The following PLD1 variants were observed in gnomAD, a reference collection of about 807,000 sequenced individuals.
The protein encoded by PLD1 is choline phosphatase 1.
A neutral mutation model predicts 137.1 loss-of-function variants in PLD1; 112 were observed. That is an observed-to-expected ratio of 0.82 (90% CI 0.70 to 0.96). The LOEUF is 0.96. Ranked by LOEUF, PLD1 falls within the 40% of genes least tolerant of loss-of-function variation. PLD1 has a pLI of 0.00. For synonymous variants in PLD1, 431 were observed against 454.7 expected (o/e 0.95, Z 0.66); for missense variants, 1,321 against 1,342.0 (o/e 0.98, Z 0.24).
chr3:171,667,240 C>T (rs1315791786), intron 19 of PLD1, among the ~76,000 whole-genome samples: 8 of 152,184 alleles, frequency 5.3e-5, no homozygotes, highest in African/African-American at 1.9e-4. Context: ...AGAAGGGAAG[C>T]CTCTGATTGT....
At chr3:171,656,186 T>TTA (rs1737184549) in intron 21 of PLD1, among the ~76,000 whole-genome samples, 1 of 151,936 alleles carries the variant, frequency 6.6e-6, no homozygotes, top group Non-Finnish European at 1.5e-5. Context: ...ATTTATTTAT[T>TTA]TTGAGACAGA....
rs150316484 is a variant in PLD1 at position 171,731,679 on chromosome 3, G to A, written c.606+1765C>T. Among the ~76,000 whole-genome samples the A allele has an allele frequency of 4.7e-3, 710 of 152,180 alleles. 14 individuals carry two copies. The highest frequency in any genetic ancestry group is 0.036 in the East Asian group (185 of 5,174). The stretch of plus-strand genomic sequence containing the variant: ...CCCAGCTACTTGGGAGGCTGAGGCA[G>A]GGGAATCACTTGAACCCGGGAGGCG... On this transcript the variant is annotated intron_variant, in intron 6 of 26. Coordinates refer to ENST00000351298, the MANE Select transcript of PLD1 (RefSeq NM_002662.5).
At chr3:171,643,892 A>G (rs1578174684) in intron 22 of PLD1, among the ~76,000 whole-genome samples, 1 of 152,216 alleles carries the variant, frequency 6.6e-6, no homozygotes, top group East Asian at 1.9e-4. Flanking sequence ...TTTCCTTGAA[A>G]TCCTGGCAGA....
At chr3:171,768,527 C>G (rs763883465) in intron 1 of PLD1, among the ~76,000 whole-genome samples, 3 of 152,212 alleles carry the variant, frequency 2.0e-5, no homozygotes, top group African/African-American at 7.2e-5. Flanking sequence ...CTGTGAAGAA[C>G]GGAACTGGTC....
At chr3:171,709,014 C>T (rs988019777) in intron 10 of PLD1, 176 bp from the exon 11 acceptor site, 8 of 580,370 alleles carry the variant, frequency 1.4e-5, no homozygotes, top group Non-Finnish European at 1.8e-5. Flanking sequence ...TCCTCTGCTG[C>T]CTAGGAAGGG....
chr3:171,613,221 T>C (rs1732818966), intron 24 of PLD1, among the ~76,000 whole-genome samples: 1 of 152,220 alleles, frequency 6.6e-6, no homozygotes, highest in Non-Finnish European at 1.5e-5. Context: ...TCTGGGTCTT[T>C]AAGTCATTGA....
At chr3:171,798,103 T>C (rs1211256575) in intron 1 of PLD1, among the ~76,000 whole-genome samples, 1 of 152,216 alleles carries the variant, frequency 6.6e-6, no homozygotes, top group Non-Finnish European at 1.5e-5. Context: ...TTAAGTAAGA[T>C]TGTCCTATTA....
At chr3:171,605,970 T>G (rs569129379) in intron 25 of PLD1, among the ~76,000 whole-genome samples, 1 of 152,346 alleles carries the variant, frequency 6.6e-6, no homozygotes, top group South Asian at 2.1e-4. Flanking sequence ...TAGACATCAG[T>G]GCAGAGGAGT....
At chr3:171,733,365 A>G (rs1039235539) in intron 6 of PLD1, 79 bp downstream of exon 6, 1 of 661,228 alleles carries the variant, frequency 1.5e-6, no homozygotes, top group African/African-American at 1.8e-5. Flanking sequence ...CACTTGTGTT[A>G]TTAAAATGAT....
At chr3:171,731,396 G>A (rs1402301964) in intron 6 of PLD1, among the ~76,000 whole-genome samples, 1 of 152,162 alleles carries the variant, frequency 6.6e-6, no homozygotes, top group African/African-American at 2.4e-5. Context: ...GAAAAAGAAT[G>A]TTAGAGAATT....
intron 23 of PLD1, among the ~76,000 whole-genome samples, chr3:171,630,646 A>T (rs1356682523): frequency 1.9e-4 from 26 of 139,550 alleles, no homozygotes; most frequent in Non-Finnish European, 3.1e-4. Context: ...TGGATTAAGA[A>T]AATGTGGCAC....
chr3:171,605,603 C>T lies in PLD1; in HGVS notation c.2883-187G>A, dbSNP rs9838510. ...AAGAAACTATTGTCTGAATTGACCA[C>T]ACATAAACAGCGGACTAGACATAAC... On this transcript the variant is annotated intron_variant, in intron 25 of 26. Transcript: ENST00000351298. Among the ~76,000 whole-genome samples the T allele has an allele frequency of 0.047, 7,166 of 152,256 alleles. 414 individuals carry two copies. Among genetic ancestry groups the T allele is most frequent in the African/African-American group, 0.14 (5,795 of 41,518 alleles).
In PLD1 at chr3:171,737,798, G is replaced by A. The variant is rs1002953969; in HGVS notation, c.160+94C>T. On this transcript the variant is annotated intron_variant, in intron 2 of 26. Coordinates refer to ENST00000351298, the MANE Select transcript of PLD1 (RefSeq NM_002662.5). ...CTGAGCCCGGTGTTACATCTGCAAG[G>A]AAAATCAATCATTTGCTGGTTACTT... The A allele has an allele frequency of 2.8e-6, 4 of 1,434,792 alleles. No individual in the cohort carries two copies. In the African/African-American group the frequency reaches 5.7e-5, roughly 20 times the overall value. 88.9% of individuals were successfully genotyped at this position (1,434,792 alleles called of 1,614,324 possible).
chr3:171,627,879 A>G (rs1734272568), intron 23 of PLD1, among the ~76,000 whole-genome samples: 1 of 152,140 alleles, frequency 6.6e-6, no homozygotes, highest in African/African-American at 2.4e-5. Context: ...AGGGAAATTT[A>G]TAGCACTAAA....
intron 23 of PLD1, among the ~76,000 whole-genome samples, chr3:171,623,814 T>A (rs1733850023): frequency 6.6e-6 from 1 of 151,692 alleles, no homozygotes; most frequent in South Asian, 2.1e-4. Context: ...AATAAAAAGG[T>A]GCTAGTACAG....
intron 21 of PLD1, among the ~76,000 whole-genome samples, chr3:171,652,257 C>CA (rs1736829695): frequency 6.6e-6 from 1 of 151,742 alleles, no homozygotes; most frequent in Admixed American, 6.6e-5. Flanking sequence ...ACTAAAAATA[C>CA]AAAAAAATAG....
At chr3:171,662,773 G>A (rs902264990) in intron 19 of PLD1, among the ~76,000 whole-genome samples, 6 of 152,188 alleles carry the variant, frequency 3.9e-5, no homozygotes, top group Non-Finnish European at 5.9e-5. Context: ...TTTAATAGCT[G>A]TCTGTTCCAT....
chr3:171,642,457 C>CAAAAAAAAAAAAAAAA (rs1230947984), intron 23 of PLD1, among the ~76,000 whole-genome samples: 1 of 33,028 alleles, frequency 3.0e-5, no homozygotes, highest in Admixed American at 2.8e-4. Flanking sequence ...AACCCAGTCT[C>CAAAAAAAAAAAAAAAA]AAAAAAAAAA....
At chr3:171,620,742 C>CTCTCTCTATATATATATA (rs1473647659) in intron 23 of PLD1, among the ~76,000 whole-genome samples, 1 of 94,794 alleles carries the variant, frequency 1.1e-5, no homozygotes, top group African/African-American at 4.3e-5. Context: ...CTCTCTCTCT[C>CTCTCTCTATATATATATA]TATATATATA....
Sources: allele counts gnomAD v4.1 joint callset (sites outside exome capture counted in the v4.1 genomes callset), GRCh38; gene constraint gnomAD v4.1.1; transcripts MANE v1.5; gene names NCBI Gene and HGNC (gene_info 2026-07-23, HGNC 2026-07-21).